The following BMP6 variants were observed in gnomAD, a reference collection of about 807,000 sequenced individuals.
BMP6 encodes the protein VG-1-R.
BMP6 carries 17 observed loss-of-function variants against 54.1 expected under a neutral mutation model. That is an observed-to-expected ratio of 0.31 (90% CI 0.22 to 0.47). BMP6 has a LOEUF of 0.47. Ranked by LOEUF, BMP6 falls within the 20% of genes least tolerant of loss-of-function variation. The pLI is 1.00. For synonymous variants in BMP6, 328 were observed against 291.2 expected (o/e 1.13, Z -1.28); for missense variants, 720 against 690.4 (o/e 1.04, Z -0.48).
chr6:7,820,872 G>T (rs34641291), intron 1 of BMP6, among the ~76,000 whole-genome samples: 19,821 of 152,246 alleles, frequency 0.13, 1,574 homozygotes, highest in African/African-American at 0.22. Flanking sequence ...TAGATCCTCA[G>T]AAGGAGCACG....
At chr6:7,819,115 T>C (rs187731422) in intron 1 of BMP6, among the ~76,000 whole-genome samples, 40 of 152,256 alleles carry the variant, frequency 2.6e-4, no homozygotes, top group Admixed American at 3.3e-4. Flanking sequence ...GTGGTGTCTT[T>C]GTGTGTGAGT....
intron 1 of BMP6, among the ~76,000 whole-genome samples, chr6:7,745,408 G>A (rs937350940): frequency 4.6e-5 from 7 of 152,066 alleles, no homozygotes; most frequent in Non-Finnish European, 8.8e-5. Context: ...TGAGTAGCTG[G>A]GGCTACAGGC....
At chr6:7,767,047 C>T (rs1399023538) in intron 1 of BMP6, among the ~76,000 whole-genome samples, 9 of 148,244 alleles carry the variant, frequency 6.1e-5, no homozygotes, top group Admixed American at 2.7e-4. Context: ...GGTGCAGTGG[C>T]GCGATCTCGG....
rs1308645895 is a variant in BMP6 at position 7,856,678 on chromosome 6, G to A, written c.858-4773G>A. On this transcript the variant is annotated intron_variant, in intron 2 of 6. Coordinates refer to ENST00000283147, the MANE Select transcript of BMP6 (RefSeq NM_001718.6). Reference sequence around the variant, plus strand: ...GTGGCGGGATCTCGGCTCACTGCAAGCTCCGCCTCCCGGGTTCACGCCATT... The same window carrying A: ...GTGGCGGGATCTCGGCTCACTGCAAACTCCGCCTCCCGGGTTCACGCCATT... 3.6e-5 allele frequency among the ~76,000 whole-genome samples: 5 copies of A among 138,828 alleles called. No homozygotes were observed. In the East Asian group the frequency reaches 1.1e-3, roughly 30 times the overall value. The allele number at this position is 138,828 out of a possible 152,430, so 91.1% of individuals were successfully genotyped here. A position where few individuals can be genotyped will look rare whatever the true frequency, so the allele number is the denominator to read the frequency against.
chr6:7,813,149 A>ATATATAT (rs1333428977), intron 1 of BMP6, among the ~76,000 whole-genome samples: 92 of 107,746 alleles, frequency 8.5e-4, no homozygotes, highest in East Asian at 1.2e-3. Context: ...ATATATATAT[A>ATATATAT]AAATTAGTGG....
Position 7,843,138 on chromosome 6 carries a change from G to A in BMP6, c.665-2002G>A, listed in dbSNP as rs563176600. Among the ~76,000 whole-genome samples the A allele has an allele frequency of 4.0e-3, 608 of 152,248 alleles. 9 individuals carry two copies. Among genetic ancestry groups the A allele is most frequent in the South Asian group, 0.02 (97 of 4,824 alleles). On this transcript the variant is annotated intron_variant, in intron 1 of 6. Coordinates refer to ENST00000283147, the MANE Select transcript of BMP6 (RefSeq NM_001718.6). ...TTCCCAACAATATTGCTTTTCATGC[G>A]TAGCCACTAATTAGAAAACCTGCTC...
At chr6:7,822,953 A>T (rs1285408894) in intron 1 of BMP6, among the ~76,000 whole-genome samples, 1 of 151,016 alleles carries the variant, frequency 6.6e-6, no homozygotes, top group East Asian at 1.9e-4. Flanking sequence ...ACACACTGGT[A>T]AATAGGGCTC....
chr6:7,831,164 A>C (rs1382675246), intron 1 of BMP6, among the ~76,000 whole-genome samples: 1 of 152,352 alleles, frequency 6.6e-6, no homozygotes, highest in East Asian at 1.9e-4. Context: ...ACATGGATGC[A>C]CCTTGAAAAC....
At chr6:7,789,169 G>A (rs1383343417) in intron 1 of BMP6, among the ~76,000 whole-genome samples, 1 of 152,126 alleles carries the variant, frequency 6.6e-6, no homozygotes, top group Non-Finnish European at 1.5e-5. Flanking sequence ...CGCACAGCAG[G>A]GATTCTGTAC....
intron 1 of BMP6, among the ~76,000 whole-genome samples, chr6:7,777,153 G>A (rs1293237621): frequency 1.3e-5 from 2 of 152,190 alleles, no homozygotes; most frequent in East Asian, 3.9e-4. Flanking sequence ...TTCCACCTGA[G>A]AAGGTCATCC....
rs527808810 is a variant in BMP6, at chr6:7,726,858, G to A, written c.-98G>A. Reference sequence around the variant, plus strand: ...GAAGCGAGCCCGCCGAGAGGTGGCGGGGACTGCTCACGCCAAGGGCCACAG... The same window carrying A: ...GAAGCGAGCCCGCCGAGAGGTGGCGAGGACTGCTCACGCCAAGGGCCACAG... On this transcript the variant is annotated 5_prime_UTR_variant, in exon 1 of 7. Transcript: ENST00000283147. The A allele has an allele frequency of 6.9e-6, 5 of 722,806 alleles. No homozygotes were observed. The highest frequency in any genetic ancestry group is 1.9e-5 in the African/African-American group (1 of 52,418). 44.8% of individuals were successfully genotyped at this position (722,806 alleles called of 1,614,324 possible).
intron 1 of BMP6, among the ~76,000 whole-genome samples, chr6:7,763,188 G>A (rs556919158): frequency 2.0e-5 from 3 of 152,192 alleles, no homozygotes; most frequent in Non-Finnish European, 2.9e-5. Flanking sequence ...AAGTTCTCCC[G>A]TGTTTTCAGC....
chr6:7,797,721 G>T (rs989170912), intron 1 of BMP6, among the ~76,000 whole-genome samples: 7 of 152,134 alleles, frequency 4.6e-5, no homozygotes, highest in African/African-American at 1.4e-4. Context: ...CCAGGAGATG[G>T]CTTGGTTCAT....
At chr6:7,837,765 G>A (rs1430829617) in intron 1 of BMP6, among the ~76,000 whole-genome samples, 3 of 151,804 alleles carry the variant, frequency 2.0e-5, no homozygotes, top group Non-Finnish European at 2.9e-5. Flanking sequence ...AACCAAACAC[G>A]ACTTGTTCCC....
chr6:7,848,894 C>T (rs1018424916), intron 2 of BMP6, among the ~76,000 whole-genome samples: 3 of 152,196 alleles, frequency 2.0e-5, no homozygotes, highest in Non-Finnish European at 4.4e-5. Flanking sequence ...ATAGTAGTTA[C>T]AGTTTGGAAA....
intron 1 of BMP6, among the ~76,000 whole-genome samples, chr6:7,738,788 A>G (rs953997796): frequency 2.6e-5 from 4 of 152,232 alleles, no homozygotes; most frequent in African/African-American, 7.2e-5. Context: ...CATGGCTGCA[A>G]CCATCATGGC....
chr6:7,793,102 C>T (rs559979070), intron 1 of BMP6, among the ~76,000 whole-genome samples: 17 of 150,974 alleles, frequency 1.1e-4, no homozygotes, highest in South Asian at 4.2e-4. Context: ...AAAACTCAGT[C>T]GATTAAGAGT....
chr6:7,842,103 C>T (rs762725140), intron 1 of BMP6, among the ~76,000 whole-genome samples: 3 of 152,142 alleles, frequency 2.0e-5, no homozygotes, highest in Non-Finnish European at 4.4e-5. Flanking sequence ...TTCCTCCCAT[C>T]CCCCTTTCCC....
Sources: allele counts gnomAD v4.1 joint callset (sites outside exome capture counted in the v4.1 genomes callset), GRCh38; gene constraint gnomAD v4.1.1; transcripts MANE v1.5; gene names NCBI Gene and HGNC (gene_info 2026-07-23, HGNC 2026-07-21).